L3MBTL4: variants seen among roughly 807,000 people sequenced by gnomAD.
L3MBTL4 encodes L3MBTL histone methyl-lysine binding protein 4.
Under a neutral mutation model 84.5 loss-of-function variants are expected in L3MBTL4, and 70 were observed. The observed-to-expected ratio is 0.83, with a 90% confidence interval of 0.68 to 1.01. The LOEUF (loss-of-function observed/expected upper bound fraction) is 1.01. L3MBTL4 is among the 50% of genes least tolerant of loss of function. L3MBTL4 has a pLI of 0.00. For missense variants in L3MBTL4, 715 were observed against 754.8 expected (o/e 0.95, Z 0.62); for synonymous variants, 274 against 259.8 (o/e 1.05, Z -0.52).
intron 16 of L3MBTL4, chr18:6,030,845 T>A: frequency 2.0e-6 from 2 of 985,152 alleles, no homozygotes; most frequent in Non-Finnish European, 2.4e-6. Flanking sequence ...CACACTAACA[T>A]GAAACATACT....
chr18:6,045,451 G>A lies in L3MBTL4; in HGVS notation c.1444+35430C>T, dbSNP rs565207507. On this transcript the variant is annotated intron_variant, in intron 16 of 18. Coordinates refer to ENST00000317931, the MANE Select transcript of L3MBTL4 (RefSeq NM_001330559.2). ...GAGACTGGGCAATTTACAAAAGAAA[G>A]AAGTTTATTGGACTTACAGTTCCAC... 6.8e-3 allele frequency among the ~76,000 whole-genome samples: 1,014 copies of A among 148,558 alleles called. 10 individuals are homozygous for A. Among genetic ancestry groups the A allele is most frequent in the African/African-American group, 0.023 (946 of 41,326 alleles).
intron 1 of L3MBTL4, chr18:6,395,617 G>A (rs1164033269): frequency 2.0e-5 from 3 of 152,158 alleles, no homozygotes; most frequent in African/African-American, 7.2e-5. Context: ...CATGGTCTCA[G>A]ATAATATGAT....
At chr18:6,083,357 C>T (rs1028850832) in intron 15 of L3MBTL4, among the ~76,000 whole-genome samples, 26 of 152,218 alleles carry the variant, frequency 1.7e-4, no homozygotes, top group African/African-American at 6.3e-4. Flanking sequence ...CCTGAATAAG[C>T]TAATCGACTT....
At chr18:5,980,812 T>C (rs1431338549) in intron 16 of L3MBTL4, among the ~76,000 whole-genome samples, 2 of 152,184 alleles carry the variant, frequency 1.3e-5, no homozygotes, top group African/African-American at 2.4e-5. Context: ...TTGTAGGAGT[T>C]GTGCATATTT....
intron 14 of L3MBTL4, among the ~76,000 whole-genome samples, chr18:6,098,811 C>G (rs1237665893): frequency 6.6e-6 from 1 of 152,090 alleles, no homozygotes; most frequent in Non-Finnish European, 1.5e-5. Context: ...ACTGAAGAGT[C>G]CTCTCTTAAC....
chr18:6,270,979 G>A (rs1195045483), intron 4 of L3MBTL4, among the ~76,000 whole-genome samples: 1 of 152,192 alleles, frequency 6.6e-6, no homozygotes, highest in Non-Finnish European at 1.5e-5. Context: ...GTCCAAACAA[G>A]TGACAGTGTG....
intron 4 of L3MBTL4, among the ~76,000 whole-genome samples, chr18:6,284,235 T>C (rs892834603): frequency 6.6e-6 from 1 of 152,210 alleles, no homozygotes; most frequent in Non-Finnish European, 1.5e-5. Context: ...TGAGCTACCA[T>C]ACAAATACAG....
chr18:6,083,510 A>T (rs1375325661), intron 15 of L3MBTL4, among the ~76,000 whole-genome samples: 1 of 152,180 alleles, frequency 6.6e-6, no homozygotes, highest in Non-Finnish European at 1.5e-5. Flanking sequence ...TGTATTTCAA[A>T]AGAATCCACT....
intron 16 of L3MBTL4, among the ~76,000 whole-genome samples, chr18:6,012,826 G>A (rs1028215150): frequency 3.9e-5 from 6 of 152,098 alleles, no homozygotes; most frequent in African/African-American, 1.2e-4. Flanking sequence ...ATGGGAACAC[G>A]TGCAGTTTCT....
At chr18:6,188,849 A>C (rs558328182) in intron 12 of L3MBTL4, among the ~76,000 whole-genome samples, 29 of 152,388 alleles carry the variant, frequency 1.9e-4, no homozygotes, top group African/African-American at 6.7e-4. Context: ...TAGAGGGAGT[A>C]CAGGGAAGTC....
chr18:6,244,473 C>T lies in L3MBTL4; in HGVS notation c.324+11G>A. On this transcript the variant is annotated intron_variant, in intron 6 of 18. Coordinates refer to ENST00000317931, the MANE Select transcript of L3MBTL4 (RefSeq NM_001330559.2). ...AGGCAATTAGCCCAAGACAGTAACA[C>T]CACCTCTTACCTCCGCTACAGAAAG... 6.4e-7 allele frequency: 1 copy of T among 1,565,074 alleles called. No individual in the cohort carries two copies.
At position 6,354,136 on chromosome 18, in the gene L3MBTL4, A is replaced by G. The variant is rs543106309; in HGVS notation, c.-90-42080T>C. 1.3e-4 allele frequency among the ~76,000 whole-genome samples: 20 copies of G among 152,260 alleles called. No individual in the cohort carries two copies. The South Asian group carries it at 3.9e-3, about 30-fold the overall frequency. Reference sequence around the variant, plus strand: ...AACCCAGAAACAAATCCACATACCTACAGTGAACTTGTTTTCAACAAAGGT... The same window carrying G: ...AACCCAGAAACAAATCCACATACCTGCAGTGAACTTGTTTTCAACAAAGGT... On this transcript the variant is annotated intron_variant, in intron 1 of 18. Coordinates refer to ENST00000317931, the MANE Select transcript of L3MBTL4 (RefSeq NM_001330559.2).
At chr18:6,186,370 G>A (rs2044763861) in intron 12 of L3MBTL4, among the ~76,000 whole-genome samples, 1 of 152,116 alleles carries the variant, frequency 6.6e-6, no homozygotes, top group Non-Finnish European at 1.5e-5. Flanking sequence ...AACTGTGGTG[G>A]CCATGAGGAA....
intron 14 of L3MBTL4, among the ~76,000 whole-genome samples, chr18:6,107,857 G>T (rs572169035): frequency 6.6e-6 from 1 of 152,300 alleles, no homozygotes; most frequent in Admixed American, 6.5e-5. Flanking sequence ...CACATTTCGT[G>T]TATCTATTTA....
intron 4 of L3MBTL4, among the ~76,000 whole-genome samples, chr18:6,284,478 C>T (rs1356672202): frequency 6.6e-6 from 1 of 152,176 alleles, no homozygotes; most frequent in African/African-American, 2.4e-5. Flanking sequence ...AGGAAAGGGC[C>T]CGCAGCTCAG....
At position 6,064,098 on chromosome 18, in the gene L3MBTL4, G is replaced by A. The variant is rs542341095; in HGVS notation, c.1444+16783C>T. Among the ~76,000 whole-genome samples the A allele has an allele frequency of 4.8e-4, 73 of 151,980 alleles. 1 individual carries two copies. In the Middle Eastern group the frequency reaches 0.027, roughly 57 times the overall value. On this transcript the variant is annotated intron_variant, in intron 16 of 18. Transcript: ENST00000317931. ...GTGGTTTGCCAGTTTTCCCAGCACC[G>A]TTTATTGAATAGGGTGCCCTTTCCC...
chr18:6,037,519 G>A (rs557279874), intron 16 of L3MBTL4, among the ~76,000 whole-genome samples: 7 of 152,124 alleles, frequency 4.6e-5, no homozygotes, highest in Non-Finnish European at 1.0e-4. Context: ...TTCTTGCAGT[G>A]GAGAAATTCA....
intron 16 of L3MBTL4, among the ~76,000 whole-genome samples, chr18:6,053,573 A>G (rs928255039): frequency 2.0e-5 from 3 of 152,226 alleles, no homozygotes; most frequent in Admixed American, 2.0e-4. Context: ...TGGCCTGTTC[A>G]CTAATAGACT....
chr18:5,993,443 G>A (rs1362517381), intron 16 of L3MBTL4, among the ~76,000 whole-genome samples: 1 of 152,150 alleles, frequency 6.6e-6, no homozygotes, highest in African/African-American at 2.4e-5. Context: ...AATTGACAGA[G>A]CATATGCCCA....
Sources: allele counts gnomAD v4.1 joint callset (sites outside exome capture counted in the v4.1 genomes callset), GRCh38; gene constraint gnomAD v4.1.1; transcripts MANE v1.5; gene names NCBI Gene and HGNC (gene_info 2026-07-23, HGNC 2026-07-21).